CASP2: variants seen among roughly 807,000 people sequenced by gnomAD.
CASP2 encodes the protein caspase 2, also known as caspase-2.
CASP2 carries 38 observed loss-of-function variants against 54.4 expected under a neutral mutation model. The observed-to-expected ratio is 0.70, with a 90% CI of 0.54 to 0.92. The LOEUF is 0.92. Among genes scored for constraint, CASP2 ranks in the 40% least tolerant of loss-of-function variants. The probability of loss-of-function intolerance (pLI) is 0.00; values close to 1 mark genes in which losing one functional copy is unlikely to be tolerated. For missense variants in CASP2, 512 were observed against 579.6 expected (o/e 0.88, Z 1.20); for synonymous variants, 215 against 216.3 (o/e 0.99, Z 0.05).
At chr7:143,295,495 A>C (rs76327180) in intron 6 of CASP2, among the ~76,000 whole-genome samples, 2,014 of 152,344 alleles carry the variant, frequency 0.013, 60 homozygotes, top group African/African-American at 0.045. Context: ...TTTTGCAATC[A>C]ATAATGGCCT....
At position 143,294,622 on chromosome 7, in the gene CASP2, G is replaced by C; in HGVS notation, c.596G>C (p.Arg199Pro). ...QLAYRLQSRP[R>P]GLALVLSNVH... is the part of the protein sequence containing the mutation. Reference sequence around the variant, plus strand: ...GCATATAGGTTGCAGTCTCGGCCTCGTGGCCTAGCACTGGTGTTGAGCAAT... The same window carrying C: ...GCATATAGGTTGCAGTCTCGGCCTCCTGGCCTAGCACTGGTGTTGAGCAAT... The change falls in exon 6 of 11, where the codon CGT becomes CCT. Residue 199 changes from arginine (R) to proline (P), a missense_variant. This residue lies in a region of CASP2 where 417 missense variants were observed against 495.4 expected (regional missense o/e 0.84). Coordinates refer to ENST00000310447, the MANE Select transcript of CASP2 (RefSeq NM_032982.4). 2 of 1,614,164 alleles carry C rather than the reference G, an allele frequency of 1.2e-6. No individual in the cohort carries two copies. The highest frequency in any genetic ancestry group is 1.7e-6 in the Non-Finnish European group (2 of 1,180,032).
At chr7:143,300,158 C>T (rs1258788722) in intron 7 of CASP2, 46 bp from the exon 8 acceptor site, 2 of 1,612,076 alleles carry the variant, frequency 1.2e-6, no homozygotes, top group East Asian at 2.2e-5. Context: ...CTTAGGAGGC[C>T]CCGCTGAATG....
Position 143,299,952 on chromosome 7 carries a change from A to T in CASP2, c.777A>T (p.Ala259=), listed in dbSNP as rs1266496728. ...QEMQEKLQNF[A]QLPAHRVTDS... is the part of the protein sequence containing the mutation. Reference sequence around the variant, plus strand: ...TGCAAGAGAAACTGCAGAATTTTGCACAGTTACCTGCACACCGAGTCACGG... The same window carrying T: ...TGCAAGAGAAACTGCAGAATTTTGCTCAGTTACCTGCACACCGAGTCACGG... Residue 259 remains alanine, a synonymous_variant, in exon 7 of 11, where the codon GCA becomes GCT. Transcript: ENST00000310447. 6.2e-7 allele frequency: 1 copy of T among 1,614,060 alleles called. No individual in the cohort carries two copies. Among genetic ancestry groups the T allele is most frequent in the African/African-American group, 1.3e-5 (1 of 74,920 alleles).
intron 8 of CASP2, 133 bp downstream of exon 8, chr7:143,300,427 G>T (rs1467923426): frequency 6.3e-7 from 1 of 1,597,368 alleles, no homozygotes; most frequent in Non-Finnish European, 8.5e-7. Flanking sequence ...TGCTGCCACC[G>T]CCTCTCTTGC....
At chr7:143,302,913 T>C (rs1413781801) in intron 8 of CASP2, 1 of 152,204 alleles carries the variant, frequency 6.6e-6, no homozygotes, top group East Asian at 1.9e-4. Context: ...GGATGATCTT[T>C]TTAAATTTTC....
In CASP2 at chr7:143,291,667, T is replaced by G. The variant is rs772920817; in HGVS notation, c.202T>G (p.Leu68Val). Residue 68 changes from leucine to valine, a missense_variant, in exon 2 of 11, where the codon TTG becomes GTG. Coordinates refer to ENST00000310447, the MANE Select transcript of CASP2 (RefSeq NM_032982.4). ...TCTTCTGGAGAAGGACATCATCACC[T>G]TGGAAATGAGGGAGCTCATCCAGGT... ...EHLLEKDIIT[L>V]EMRELIQAKV... The G allele has an allele frequency of 2.5e-6, 4 of 1,613,866 alleles. No individual in the cohort carries two copies. The highest frequency in any genetic ancestry group is 2.7e-5 in the African/African-American group (2 of 74,844).
chr7:143,288,482 G>A lies in CASP2; in HGVS notation c.27G>A (p.Trp9Ter). Residue 9 changes from tryptophan (W) to a stop codon, truncating the protein, a stop_gained, in exon 1 of 11, where the codon TGG becomes TGA. Coordinates refer to ENST00000310447, the MANE Select transcript of CASP2 (RefSeq NM_032982.4). LOFTEE classifies it high-confidence loss of function. ...TGGCGGCGCCGAGCGCGGGGTCTTG[G>A]TCCACCTTCCAGCACAAGGAGCTGA... is the stretch of plus-strand genomic sequence containing the variant. MAAPSAGS[W>*]STFQHKELMA... 5 of 1,613,344 alleles carry A rather than the reference G, an allele frequency of 3.1e-6. No individual in the cohort carries two copies. The highest frequency in any genetic ancestry group is 4.2e-6 in the Non-Finnish European group (5 of 1,179,676).
At chr7:143,293,604 G>C (rs1013684712) in intron 4 of CASP2, among the ~76,000 whole-genome samples, 1 of 151,768 alleles carries the variant, frequency 6.6e-6, no homozygotes, top group Non-Finnish European at 1.5e-5. Context: ...CTGCCTCCTG[G>C]GTTCAAGTGA....
At position 143,292,422 on chromosome 7, in the gene CASP2, T is replaced by C; in HGVS notation, c.348T>C (p.Asp116=). 6.2e-7 allele frequency: 1 copy of C among 1,614,128 alleles called. No individual in the cohort carries two copies. Among genetic ancestry groups the C allele is most frequent in the East Asian group, 2.2e-5 (1 of 44,864 alleles). The change falls in exon 3 of 11, where the codon GAT becomes GAC. Residue 116 remains aspartate (D), a synonymous_variant. Coordinates refer to ENST00000310447, the MANE Select transcript of CASP2 (RefSeq NM_032982.4). ...AGACCAAGCAAGGCCACCTGGAGGA[T>C]ATGTTGCTCACCACCCTTTCTGGGC... ...LRETKQGHLE[D]MLLTTLSGLQ...
intron 2 of CASP2, 90 bp downstream of exon 2, chr7:143,291,780 C>CAT: frequency 7.1e-6 from 3 of 422,922 alleles, no homozygotes; most frequent in Non-Finnish European, 7.8e-6. Flanking sequence ...ATCTTTCTTC[C>CAT]TTTTTTTTTT....
intron 9 of CASP2, 85 bp from the exon 10 acceptor site, chr7:143,304,589 G>A (rs758306016): frequency 1.2e-5 from 11 of 914,706 alleles, no homozygotes; most frequent in Non-Finnish European, 1.8e-5. Context: ...ACTAGGGAGG[G>A]TGCAGGTGTC....
chr7:143,294,849 C>A, intron 6 of CASP2, 76 bp downstream of exon 6: 1 of 1,282,524 alleles, frequency 7.8e-7, no homozygotes, highest in Non-Finnish European at 1.1e-6. Flanking sequence ...ATCGTTTGTT[C>A]CTGTGCCTGC....
chr7:143,301,136 C>G (rs952560460), intron 8 of CASP2: 8 of 163,022 alleles, frequency 4.9e-5, no homozygotes, highest in African/African-American at 1.9e-4. Context: ...CATTTAAGGG[C>G]TTACATAGCT....
At chr7:143,297,147 ACT>A (rs1801780105) in intron 6 of CASP2, among the ~76,000 whole-genome samples, 1 of 152,086 alleles carries the variant, frequency 6.6e-6, no homozygotes, top group Admixed American at 6.6e-5. Context: ...TTCACAAGTT[ACT>A]CTCTTCACAT....
intron 6 of CASP2, among the ~76,000 whole-genome samples, chr7:143,298,111 G>C (rs1277066597): frequency 6.6e-6 from 1 of 152,158 alleles, no homozygotes; most frequent in East Asian, 1.9e-4. Context: ...AACACATTTT[G>C]CTGGAGCCCA....
intron 1 of CASP2, 106 bp from the exon 2 acceptor site, chr7:143,291,434 A>G (rs1801553842): frequency 4.5e-6 from 5 of 1,102,548 alleles, no homozygotes; most frequent in Non-Finnish European, 7.0e-6. Flanking sequence ...AATCTTGGTT[A>G]TTGTAAGTCT....
chr7:143,304,748 G>A lies in CASP2; in HGVS notation c.1192G>A (p.Ala398Thr). Residue 398 changes from alanine to threonine, a missense_variant, in exon 10 of 11, where the codon GCT becomes ACT. This residue lies in a region of CASP2 where 417 missense variants were observed against 495.4 expected (regional missense o/e 0.84). Transcript: ENST00000310447. ...TCTTGCTCAAGTGTTTTCTGAGCGG[G>A]CTTGTGATATGCACGTGGCCGACAT... Reference protein sequence around the residue: ...EALAQVFSERACDMHVADMLV... With the variant: ...EALAQVFSERTCDMHVADMLV... The A allele has an allele frequency of 6.2e-7, 1 of 1,614,218 alleles. No homozygotes were observed.
At chr7:143,290,506 A>G (rs532689184) in intron 1 of CASP2, 1 of 151,986 alleles carries the variant, frequency 6.6e-6, no homozygotes, top group South Asian at 2.1e-4. Context: ...GGGGCAGGCT[A>G]GAGAACTCTG....
At chr7:143,294,124 A>G (rs576951466) in intron 4 of CASP2, 106 bp from the exon 5 acceptor site, 27 of 764,212 alleles carry the variant, frequency 3.5e-5, no homozygotes, top group Non-Finnish European at 5.4e-5. Flanking sequence ...AGTGAGACCA[A>G]TATTTATCAC....
Sources: gnomAD v4.1 joint callset for allele counts (sites outside exome capture counted in the v4.1 genomes callset) on GRCh38, gnomAD v4.1.1 for gene constraint, gnomAD v4.1.1 regional missense constraint, MANE v1.5 for transcripts, NCBI Gene and HGNC (gene_info 2026-07-23, HGNC 2026-07-21) for gene names.